Variants in GPHN observed in about 807,000 individuals in gnomAD.
The protein encoded by GPHN is gephyrin.
A neutral mutation model predicts 95.5 loss-of-function variants in GPHN; 17 were observed. The ratio of observed to expected loss-of-function variants is 0.18; its 90% CI spans 0.12 to 0.27. The LOEUF (loss-of-function observed/expected upper bound fraction) is 0.27. Among genes scored for constraint, GPHN ranks in the 10% least tolerant of loss-of-function variants. GPHN has a pLI of 1.00. For synonymous variants in GPHN, 320 were observed against 322.5 expected, an observed-to-expected ratio of 0.99 and a Z score of 0.08; for missense variants, 660 against 978.1, an observed-to-expected ratio of 0.67 and a Z score of 4.34.
chr14:67,555,522 G>A, the GPHN span, among the ~76,000 whole-genome samples: 2 of 152,188 alleles, frequency 1.3e-5, no homozygotes, highest in African/African-American at 4.8e-5. Context: ...GGATGCTCAG[G>A]AAGAATGACA....
At chr14:66,728,896 G>C (rs1253334927) in intron 2 of GPHN, among the ~76,000 whole-genome samples, 2 of 152,116 alleles carry the variant, frequency 1.3e-5, no homozygotes, top group African/African-American at 4.8e-5. Flanking sequence ...GAATGATATG[G>C]TTTGGCTGTG....
chr14:66,976,838 G>T (rs924542463), intron 9 of GPHN, among the ~76,000 whole-genome samples: 12 of 139,512 alleles, frequency 8.6e-5, no homozygotes, highest in African/African-American at 3.3e-4. Flanking sequence ...TAATCCAGTA[G>T]GAAAAAGTAA....
At position 66,574,892 on chromosome 14, in the gene GPHN, C is replaced by G. The variant is rs150044700; in HGVS notation, c.64+66301C>G. ...TTGTACTTCAAGAGTTACACCCCTC[C>G]CCTGTCCTATGTTTTCAGGCTGTTG... On this transcript the variant is annotated intron_variant, in intron 1 of 22. Transcript: ENST00000478722. Among the ~76,000 whole-genome samples the G allele has an allele frequency of 6.0e-3, 914 of 152,256 alleles. 2 individuals carry two copies. The highest frequency in any genetic ancestry group is 9.8e-3 in the Admixed American group (150 of 15,296).
the GPHN span, among the ~76,000 whole-genome samples, chr14:67,233,087 C>T: frequency 2.8e-5 from 4 of 142,178 alleles, no homozygotes; most frequent in African/African-American, 1.1e-4. Flanking sequence ...TGTGCTGTTC[C>T]CATGTCTCCA....
chr14:67,719,054 A>G, the GPHN span, among the ~76,000 whole-genome samples: 2 of 152,340 alleles, frequency 1.3e-5, no homozygotes, highest in African/African-American at 4.8e-5. Context: ...CATCTGTTAC[A>G]AGTTGGAATG....
chr14:67,292,734 C>T, the GPHN span: 6 of 1,600,048 alleles, frequency 3.7e-6, no homozygotes, highest in Non-Finnish European at 5.1e-6. Context: ...GTATTCTAAA[C>T]ATCTTGTTGA....
the GPHN span, chr14:67,589,994 G>A: frequency 6.8e-7 from 1 of 1,464,108 alleles, no homozygotes; most frequent in Non-Finnish European, 9.0e-7. Flanking sequence ...GTGTCCACCT[G>A]ATGGTTTGGA....
At chr14:67,401,908 A>G in the GPHN span, among the ~76,000 whole-genome samples, 1 of 152,114 alleles carries the variant, frequency 6.6e-6, no homozygotes, top group South Asian at 2.1e-4. Flanking sequence ...CGGATCACCC[A>G]ACTCCTGAGG....
At chr14:67,279,398 G>A in the GPHN span, 2 of 1,613,878 alleles carry the variant, frequency 1.2e-6, no homozygotes, top group South Asian at 1.1e-5. Context: ...AAGGGAAAAA[G>A]CAAGAACTTG....
intron 8 of GPHN, among the ~76,000 whole-genome samples, chr14:66,935,576 C>A (rs972556052): frequency 6.6e-6 from 1 of 151,168 alleles, no homozygotes; most frequent in Non-Finnish European, 1.5e-5. Context: ...TATACACCAC[C>A]GCATGGTGGC....
chr14:67,002,674 G>T (rs1271752472), intron 9 of GPHN, among the ~76,000 whole-genome samples: 1 of 151,200 alleles, frequency 6.6e-6, no homozygotes, highest in Admixed American at 6.6e-5. Flanking sequence ...TCATATTCCT[G>T]TAAAATAGGA....
At chr14:66,833,007 A>T (rs538678632) in intron 4 of GPHN, among the ~76,000 whole-genome samples, 1 of 152,220 alleles carries the variant, frequency 6.6e-6, no homozygotes, top group African/African-American at 2.4e-5. Context: ...TTTACGTAGA[A>T]GGATGGATAC....
At chr14:67,414,494 G>A in the GPHN span, among the ~76,000 whole-genome samples, 1 of 152,218 alleles carries the variant, frequency 6.6e-6, no homozygotes, top group African/African-American at 2.4e-5. Flanking sequence ...CGAGCAAGAA[G>A]CTTTCAGAGA....
At chr14:67,129,348 G>A (rs1025539841) in intron 17 of GPHN, among the ~76,000 whole-genome samples, 6 of 152,114 alleles carry the variant, frequency 3.9e-5, no homozygotes, top group Non-Finnish European at 8.8e-5. Context: ...TATTAGGTGT[G>A]TAATGCCATA....
intron 17 of GPHN, among the ~76,000 whole-genome samples, chr14:67,132,435 A>G (rs755422539): frequency 7.9e-5 from 12 of 152,040 alleles, no homozygotes; most frequent in Non-Finnish European, 1.3e-4. Flanking sequence ...CAAAGTTTTC[A>G]TTTTTGAGTC....
intron 12 of GPHN, among the ~76,000 whole-genome samples, chr14:67,099,606 T>C (rs1054176473): frequency 1.3e-5 from 2 of 151,176 alleles, no homozygotes; most frequent in African/African-American, 4.9e-5. Context: ...CTGTAAAGCA[T>C]AAAATACAAC....
intron 2 of GPHN, chr14:66,709,467 A>G (rs1463385116): frequency 6.6e-6 from 3 of 455,010 alleles, no homozygotes; most frequent in East Asian, 6.9e-5. Flanking sequence ...TGGTAAGTGA[A>G]TAACAAGTGG....
intron 19 of GPHN, among the ~76,000 whole-genome samples, chr14:67,160,286 AT>A (rs2081897815): frequency 6.6e-6 from 1 of 152,140 alleles, no homozygotes. Context: ...TCTCTGATAT[AT>A]GCTATAAATT....
At chr14:67,060,960 A>G (rs367890912) in intron 11 of GPHN, among the ~76,000 whole-genome samples, 6 of 152,178 alleles carry the variant, frequency 3.9e-5, no homozygotes, top group African/African-American at 1.4e-4. Context: ...TTTGTCGACA[A>G]TACTTGTTTT....
Sources: gnomAD v4.1 joint callset for allele counts (sites outside exome capture counted in the v4.1 genomes callset) on GRCh38, gnomAD v4.1.1 for gene constraint, MANE v1.5 for transcripts, NCBI Gene and HGNC (gene_info 2026-07-23, HGNC 2026-07-21) for gene names.